The following SPNS3 variants were observed in gnomAD, a reference collection of about 807,000 sequenced individuals.
SPNS3 encodes SPNS lysolipid transporter 3, sphingosine-1-phosphate (putative).
A neutral mutation model predicts 54.4 loss-of-function variants in SPNS3; 51 were observed. The ratio of observed to expected loss-of-function variants is 0.94; its 90% CI spans 0.75 to 1.18. The LOEUF is 1.18. Ranked by LOEUF, SPNS3 falls within the 50% of genes most tolerant of loss-of-function variation. The probability of loss-of-function intolerance (pLI) is 0.00; values close to 1 mark genes in which losing one functional copy is unlikely to be tolerated. For synonymous variants in SPNS3, 309 were observed against 294.7 expected, an observed-to-expected ratio of 1.05 and a Z score of -0.50; for missense variants, 669 against 677.4, an observed-to-expected ratio of 0.99 and a Z score of 0.14.
At chr17:4,468,328 G>A (rs1971741787) in intron 8 of SPNS3, among the ~76,000 whole-genome samples, 2 of 152,140 alleles carry the variant, frequency 1.3e-5, no homozygotes, top group South Asian at 2.1e-4. Context: ...GACAAAGGCA[G>A]AAACAGAGAA....
chr17:4,452,168 C>T (rs1420653734), intron 7 of SPNS3, among the ~76,000 whole-genome samples: 2 of 152,138 alleles, frequency 1.3e-5, no homozygotes, highest in Non-Finnish European at 2.9e-5. Flanking sequence ...ATGATCATAG[C>T]TCACTGTGGC....
intron 3 of SPNS3, among the ~76,000 whole-genome samples, chr17:4,445,497 T>C (rs2144022512): frequency 6.6e-6 from 1 of 151,974 alleles, no homozygotes; most frequent in East Asian, 1.9e-4. Flanking sequence ...TGTCTCAGCC[T>C]CCAGAGTAGC....
At chr17:4,443,634 G>T (rs1324230020) in intron 2 of SPNS3, among the ~76,000 whole-genome samples, 1 of 152,198 alleles carries the variant, frequency 6.6e-6, no homozygotes, top group African/African-American at 2.4e-5. Flanking sequence ...GATGAAAGGG[G>T]AACACGAAGA....
chr17:4,467,033 G>C (rs577913616), intron 8 of SPNS3, among the ~76,000 whole-genome samples: 1 of 152,166 alleles, frequency 6.6e-6, no homozygotes, highest in South Asian at 2.1e-4. Flanking sequence ...GCGGGGAAGC[G>C]CAGTCCATGC....
At chr17:4,487,491 C>T (rs1283062013) in intron 11 of SPNS3, among the ~76,000 whole-genome samples, 1 of 152,220 alleles carries the variant, frequency 6.6e-6, no homozygotes, top group African/African-American at 2.4e-5. Flanking sequence ...ACGGGAGCTG[C>T]TGTGGGGCTT....
rs959817858 is a variant in SPNS3 at position 4,445,984 on chromosome 17, C to T, written c.403-64C>T. The T allele has an allele frequency of 1.6e-5, 25 of 1,533,088 alleles. No homozygotes were observed. In the Admixed American group the frequency reaches 4.5e-4, roughly 28 times the overall value. The allele number at this position is 1,533,088 out of a possible 1,614,324, so 95.0% of individuals were successfully genotyped here. ...GTCCCCTTGGCTCCTCCGACAAACC[C>T]TCGGGTCCCTGGCCCTATGGGTGAT... On this transcript the variant is annotated intron_variant, in intron 3 of 11. Coordinates refer to ENST00000355530, the MANE Select transcript of SPNS3 (RefSeq NM_182538.5).
intron 8 of SPNS3, among the ~76,000 whole-genome samples, chr17:4,459,648 G>A (rs1971441075): frequency 6.6e-6 from 1 of 152,136 alleles, no homozygotes; most frequent in Non-Finnish European, 1.5e-5. Flanking sequence ...AGAAGGTGGA[G>A]GTTGCGGTGA....
intron 8 of SPNS3, among the ~76,000 whole-genome samples, chr17:4,458,641 C>CTTTCT (rs1567564072): frequency 8.1e-6 from 1 of 123,670 alleles, no homozygotes; most frequent in Non-Finnish European, 1.7e-5. Context: ...TTCTTTCTTT[C>CTTTCT]TTTCTTTCCT....
At chr17:4,472,891 G>A (rs916111292) in intron 8 of SPNS3, among the ~76,000 whole-genome samples, 1 of 140,412 alleles carries the variant, frequency 7.1e-6, no homozygotes, top group Non-Finnish European at 1.5e-5. Context: ...CAGGCTTAAG[G>A]GATCCTCCCC....
At chr17:4,438,503 C>G (rs1197847013) in intron 1 of SPNS3, among the ~76,000 whole-genome samples, 1 of 152,180 alleles carries the variant, frequency 6.6e-6, no homozygotes, top group Non-Finnish European at 1.5e-5. Flanking sequence ...GCTGCAGACC[C>G]CGACCCTTTC....
intron 8 of SPNS3, among the ~76,000 whole-genome samples, chr17:4,476,095 C>T (rs979396241): frequency 6.6e-6 from 1 of 152,188 alleles, no homozygotes; most frequent in African/African-American, 2.4e-5. Flanking sequence ...AGGTCACACC[C>T]CTTGGCTGTG....
At position 4,488,091 on chromosome 17, in the gene SPNS3, G is replaced by C; in HGVS notation, c.*197G>C. 3.3e-6 allele frequency: 2 copies of C among 597,804 alleles called. No homozygotes were observed. Among genetic ancestry groups the C allele is most frequent in the Non-Finnish European group, 3.0e-6 (1 of 337,566 alleles). 37.0% of individuals were successfully genotyped at this position (597,804 alleles called of 1,614,324 possible). On this transcript the variant is annotated 3_prime_UTR_variant, in exon 12 of 12. Coordinates refer to ENST00000355530, the MANE Select transcript of SPNS3 (RefSeq NM_182538.5). ...GTCAGCACTCTGCGTGGGAGGCCTG[G>C]GCCTGTGCCTGCATCCCGCTCAAGG...
rs1302833881 is a variant in SPNS3, at chr17:4,468,791, CTT to C, written c.1114-9779_1114-9778del. 3.0e-3 allele frequency among the ~76,000 whole-genome samples: 410 copies of C among 138,880 alleles called. 2 individuals are homozygous for C. Among genetic ancestry groups the C allele is most frequent in the African/African-American group, 0.011 (392 of 36,956 alleles). 91.1% of individuals were successfully genotyped at this position (138,880 alleles called of 152,430 possible). A position where few individuals can be genotyped will look rare whatever the true frequency, so the allele number is the denominator to read the frequency against. ...TTTCTTTTTCTTTCTTTCTCTCTCT[CTT>C]TCTTTTTTTTTTTTGACGGAGTTTT... is the stretch of plus-strand genomic sequence containing the variant. On this transcript the variant is annotated intron_variant, in intron 8 of 11. Transcript: ENST00000355530.
chr17:4,463,938 C>T (rs1046559331), intron 8 of SPNS3, among the ~76,000 whole-genome samples: 1 of 152,132 alleles, frequency 6.6e-6, no homozygotes, highest in Admixed American at 6.5e-5. Context: ...CAGATAACTG[C>T]GTGGGACGTG....
chr17:4,472,016 G>A (rs1019405680), intron 8 of SPNS3, among the ~76,000 whole-genome samples: 6 of 151,568 alleles, frequency 4.0e-5, no homozygotes, highest in African/African-American at 9.7e-5. Context: ...GCTCCACGAC[G>A]CCAGCCAATT....
intron 8 of SPNS3, among the ~76,000 whole-genome samples, chr17:4,457,744 C>A (rs1334842377): frequency 2.0e-5 from 3 of 147,656 alleles, no homozygotes; most frequent in Non-Finnish European, 4.5e-5. Context: ...ACAGCTGCCC[C>A]CCCCTCACCC....
At chr17:4,434,284 G>A in intron 1 of SPNS3, 118 bp downstream of exon 1, 2 of 997,672 alleles carry the variant, frequency 2.0e-6, no homozygotes, top group Non-Finnish European at 2.9e-6. Context: ...GCCCATCTCT[G>A]GTGTTCTCAC....
At chr17:4,480,523 G>A (rs998761166) in intron 9 of SPNS3, among the ~76,000 whole-genome samples, 3 of 152,210 alleles carry the variant, frequency 2.0e-5, no homozygotes, top group African/African-American at 7.2e-5. Context: ...GCCCCCCACG[G>A]CGCAGCTCCC....
intron 8 of SPNS3, among the ~76,000 whole-genome samples, chr17:4,458,650 C>CTTTCTTTCT (rs1971412374): frequency 4.3e-5 from 2 of 46,368 alleles, no homozygotes; most frequent in Admixed American, 2.5e-4. Flanking sequence ...TCTTTCTTTC[C>CTTTCTTTCT]TTCCTTCTTT....
Sources: gnomAD v4.1 joint callset for allele counts (sites outside exome capture counted in the v4.1 genomes callset) on GRCh38, gnomAD v4.1.1 for gene constraint, MANE v1.5 for transcripts, NCBI Gene and HGNC (gene_info 2026-07-23, HGNC 2026-07-21) for gene names.